GRB10: variants seen among roughly 807,000 people sequenced by gnomAD.
The protein encoded by GRB10 is growth factor receptor bound protein 10.
Under a neutral mutation model 80.9 loss-of-function variants are expected in GRB10, and 20 were observed. The observed-to-expected ratio is 0.25, with a 90% confidence interval of 0.17 to 0.36. The LOEUF (loss-of-function observed/expected upper bound fraction) is 0.36, where lower values mean the gene tolerates loss of function less well. GRB10 is among the 10% of genes least tolerant of loss of function. The pLI, the probability that GRB10 is intolerant of heterozygous loss-of-function variation, is 1.00. For missense variants in GRB10, 548 were observed against 747.7 expected, an observed-to-expected ratio of 0.73 and a Z score of 3.12; for synonymous variants, 291 against 291.5, an observed-to-expected ratio of 1.00 and a Z score of 0.02.
At chr7:50,751,783 G>A (rs1040642576) in intron 3 of GRB10, among the ~76,000 whole-genome samples, 2 of 152,200 alleles carry the variant, frequency 1.3e-5, no homozygotes, top group African/African-American at 2.4e-5. Flanking sequence ...CAAGGAATTT[G>A]GTGACCAAGA....
chr7:50,763,317 C>G (rs1429856887), intron 2 of GRB10, among the ~76,000 whole-genome samples: 1 of 152,146 alleles, frequency 6.6e-6, no homozygotes, highest in East Asian at 1.9e-4. Flanking sequence ...GAGACATATA[C>G]AAACACATGA....
At chr7:50,682,902 A>G (rs1488394876) in intron 5 of GRB10, among the ~76,000 whole-genome samples, 1 of 152,228 alleles carries the variant, frequency 6.6e-6, no homozygotes, top group Non-Finnish European at 1.5e-5. Context: ...CAATAATTAA[A>G]TATCTTCAAA....
At chr7:50,665,879 C>A (rs12538241) in intron 7 of GRB10, among the ~76,000 whole-genome samples, 1 of 152,192 alleles carries the variant, frequency 6.6e-6, no homozygotes, top group Non-Finnish European at 1.5e-5. Flanking sequence ...ACGTCTCCCC[C>A]ACAGCTGGAG....
chr7:50,682,182 C>T (rs1179314125), intron 5 of GRB10, among the ~76,000 whole-genome samples: 1 of 152,222 alleles, frequency 6.6e-6, no homozygotes, highest in African/African-American at 2.4e-5. Context: ...CGTAGCTCAC[C>T]TCAGAACGCC....
chr7:50,673,465 G>A (rs1298860026), intron 6 of GRB10, among the ~76,000 whole-genome samples: 3 of 151,986 alleles, frequency 2.0e-5, no homozygotes, highest in Admixed American at 6.6e-5. Flanking sequence ...CCAGGCACTC[G>A]AGACAAAATC....
intron 9 of GRB10, among the ~76,000 whole-genome samples, chr7:50,618,411 G>A (rs2190500): frequency 6.6e-6 from 1 of 152,154 alleles, no homozygotes; most frequent in African/African-American, 2.4e-5. Flanking sequence ...CCATGGCAAA[G>A]AGCGATGCCA....
chr7:50,653,495 C>A (rs965100878), intron 7 of GRB10, among the ~76,000 whole-genome samples: 2 of 152,206 alleles, frequency 1.3e-5, no homozygotes, highest in Non-Finnish European at 2.9e-5. Flanking sequence ...ACATTTTCAT[C>A]TCATAGGAAA....
At chr7:50,638,095 C>G (rs2055418974) in intron 7 of GRB10, among the ~76,000 whole-genome samples, 1 of 152,086 alleles carries the variant, frequency 6.6e-6, no homozygotes, top group African/African-American at 2.4e-5. Context: ...GAAACTGGAC[C>G]CCTGTCTCTC....
At chr7:50,788,480 C>A (rs2078785740) in intron 1 of GRB10, among the ~76,000 whole-genome samples, 1 of 152,130 alleles carries the variant, frequency 6.6e-6, no homozygotes, top group Non-Finnish European at 1.5e-5. Context: ...ACAGACAGGA[C>A]CAGACAGAGA....
At chr7:50,654,940 T>C (rs541385477) in intron 7 of GRB10, among the ~76,000 whole-genome samples, 2 of 152,358 alleles carry the variant, frequency 1.3e-5, no homozygotes, top group African/African-American at 4.8e-5. Context: ...TAGCCAAGTG[T>C]CTGACTCCTG....
At chr7:50,603,936 A>G in intron 17 of GRB10, 62 bp downstream of exon 17, 1 of 1,287,402 alleles carries the variant, frequency 7.8e-7, no homozygotes, top group Non-Finnish European at 1.1e-6. Flanking sequence ...ATTAAACAGA[A>G]CAGATCCCCA....
chr7:50,674,130 A>G (rs538400078), intron 6 of GRB10, among the ~76,000 whole-genome samples: 1 of 152,186 alleles, frequency 6.6e-6, no homozygotes, highest in African/African-American at 2.4e-5. Flanking sequence ...CTGTTCTTCC[A>G]ATCTTTCCAG....
intron 6 of GRB10, among the ~76,000 whole-genome samples, chr7:50,673,541 G>A (rs185703740): frequency 3.1e-4 from 47 of 152,122 alleles, no homozygotes; most frequent in African/African-American, 1.1e-3. Flanking sequence ...CTGGCAAAAC[G>A]CAGCTGCTCC....
At chr7:50,785,324 G>T (rs2078648065), upstream of GRB10, among the ~76,000 whole-genome samples, 1 of 152,216 alleles carries the variant, frequency 6.6e-6, no homozygotes, top group Non-Finnish European at 1.5e-5. Flanking sequence ...GAAAGATGTG[G>T]CCAAATTGCA....
In GRB10 at chr7:50,633,091, C is replaced by T. The variant is rs1417623982; in HGVS notation, c.505-6113G>A. Among the ~76,000 whole-genome samples the T allele has an allele frequency of 3.9e-5, 6 of 152,198 alleles. No homozygotes were observed. In the East Asian group the frequency reaches 1.2e-3, roughly 29 times the overall value. On this transcript the variant is annotated intron_variant, in intron 7 of 18. Transcript: ENST00000401949. ...ATTGCAACTGCCTCTCAACTGCAAG[C>T]GCCACCTACTGGCCTGTAGGGTGAA...
chr7:50,629,729 C>G (rs1282802223), intron 7 of GRB10, among the ~76,000 whole-genome samples: 1 of 152,222 alleles, frequency 6.6e-6, no homozygotes, highest in South Asian at 2.1e-4. Context: ...CCACTGACCA[C>G]GGAGTCTTTT....
At chr7:50,653,406 T>C (rs2058232875) in intron 7 of GRB10, among the ~76,000 whole-genome samples, 1 of 152,170 alleles carries the variant, frequency 6.6e-6, no homozygotes, top group Admixed American at 6.5e-5. Flanking sequence ...CACTAAAAGC[T>C]GTTTGTCTCG....
intron 16 of GRB10, 50 bp downstream of exon 16, chr7:50,604,261 T>G (rs758196932): frequency 1.4e-6 from 2 of 1,468,094 alleles, no homozygotes; most frequent in South Asian, 2.3e-5. Context: ...AGGGGGGTGC[T>G]GTTTGATTTT....
At chr7:50,783,489 A>AC (rs1421837561), upstream of GRB10, among the ~76,000 whole-genome samples, 1 of 139,996 alleles carries the variant, frequency 7.1e-6, no homozygotes, top group East Asian at 2.1e-4. Context: ...TACACACCAC[A>AC]CACATACATA....
Sources: gnomAD v4.1 joint callset for allele counts (sites outside exome capture counted in the v4.1 genomes callset) on GRCh38, gnomAD v4.1.1 for gene constraint, MANE v1.5 for transcripts, NCBI Gene and HGNC (gene_info 2026-07-23, HGNC 2026-07-21) for gene names.